The following CLSTN2 variants were observed in gnomAD, a reference collection of about 807,000 sequenced individuals.
The protein encoded by CLSTN2 is calsyntenin 2.
In CLSTN2, 48 loss-of-function variants were observed where a neutral mutation model predicts 101.2. The ratio of observed to expected loss-of-function variants is 0.47; its 90% CI spans 0.38 to 0.60. The LOEUF (loss-of-function observed/expected upper bound fraction) is 0.60, where lower values mean the gene tolerates loss of function less well. CLSTN2 is among the 20% of genes least tolerant of loss of function. CLSTN2 has a pLI of 0.00. For synonymous variants in CLSTN2, 481 were observed against 463.6 expected, an observed-to-expected ratio of 1.04 and a Z score of -0.48; for missense variants, 1,160 against 1,238.2, an observed-to-expected ratio of 0.94 and a Z score of 0.95.
chr3:140,545,693 G>A (rs901314365), intron 9 of CLSTN2, among the ~76,000 whole-genome samples: 14 of 152,170 alleles, frequency 9.2e-5, no homozygotes, highest in Non-Finnish European at 1.9e-4. Flanking sequence ...GGAGAAAAAA[G>A]GAGGGAGTGG....
chr3:140,218,199 G>C (rs576540922), intron 2 of CLSTN2, among the ~76,000 whole-genome samples: 1 of 152,284 alleles, frequency 6.6e-6, no homozygotes, highest in South Asian at 2.1e-4. Flanking sequence ...GTAAGAAAAT[G>C]ATTAGCTTGA....
intron 5 of CLSTN2, among the ~76,000 whole-genome samples, chr3:140,441,259 C>A (rs1428806660): frequency 1.3e-5 from 2 of 152,190 alleles, no homozygotes; most frequent in South Asian, 2.1e-4. Context: ...GGTTTCCTCT[C>A]CCGTAAAGGA....
chr3:140,139,245 TA>T (rs2009660500), intron 1 of CLSTN2, among the ~76,000 whole-genome samples: 1 of 152,172 alleles, frequency 6.6e-6, no homozygotes, highest in African/African-American at 2.4e-5. Context: ...CCTCCTAAGC[TA>T]CTAAGCATCT....
Position 140,315,612 on chromosome 3 carries a change from T to C in CLSTN2, c.233-88017T>C, listed in dbSNP as rs536236150. Among the ~76,000 whole-genome samples the C allele has an allele frequency of 2.0e-5, 3 of 152,332 alleles. No homozygotes were observed. The East Asian group carries it at 5.8e-4, about 29-fold the overall frequency. ...ATTGTTTCCTTGCTCAGTCCTTTAG[T>C]TGAAAACTGGTTTTTAACTAGTAAA... On this transcript the variant is annotated intron_variant, in intron 2 of 16. Coordinates refer to ENST00000458420, the MANE Select transcript of CLSTN2 (RefSeq NM_022131.3).
chr3:140,057,989 C>T (rs9833263), intron 1 of CLSTN2, among the ~76,000 whole-genome samples: 6 of 152,152 alleles, frequency 3.9e-5, no homozygotes, highest in Non-Finnish European at 7.4e-5. Flanking sequence ...CAGAAGTTCA[C>T]GCTCTGCAAG....
chr3:140,158,994 T>A (rs1417334580), intron 1 of CLSTN2, among the ~76,000 whole-genome samples: 1 of 152,178 alleles, frequency 6.6e-6, no homozygotes, highest in East Asian at 1.9e-4. Context: ...AGAATGAAAC[T>A]GGACCCCTAC....
At chr3:140,027,881 T>A (rs2007455190) in intron 1 of CLSTN2, among the ~76,000 whole-genome samples, 1 of 152,184 alleles carries the variant, frequency 6.6e-6, no homozygotes, top group Non-Finnish European at 1.5e-5. Context: ...AGCTGTGGCA[T>A]CATACCTGAT....
chr3:140,159,571 G>C (rs1218072309), intron 1 of CLSTN2, among the ~76,000 whole-genome samples: 1 of 152,170 alleles, frequency 6.6e-6, no homozygotes, highest in Admixed American at 6.6e-5. Context: ...TGGTGGTAAT[G>C]TAAATTAAAT....
intron 1 of CLSTN2, among the ~76,000 whole-genome samples, chr3:140,134,634 G>A (rs1560105304): frequency 6.6e-6 from 1 of 152,168 alleles, no homozygotes; most frequent in Admixed American, 6.5e-5. Flanking sequence ...ATCAGCTTAG[G>A]AGAGGATAAC....
chr3:140,421,008 A>G (rs1213219336), intron 4 of CLSTN2, 117 bp from the exon 5 acceptor site: 4 of 1,066,900 alleles, frequency 3.7e-6, no homozygotes, highest in African/African-American at 3.2e-5. Context: ...TTACAAAGAG[A>G]TAAGGAAAAG....
At chr3:140,560,530 A>C (rs1245294143) in intron 12 of CLSTN2, among the ~76,000 whole-genome samples, 1 of 152,112 alleles carries the variant, frequency 6.6e-6, no homozygotes, top group Non-Finnish European at 1.5e-5. Flanking sequence ...TGCTTCCCTC[A>C]GCACACATTT....
At chr3:140,302,646 T>C (rs979114422) in intron 2 of CLSTN2, among the ~76,000 whole-genome samples, 5 of 152,232 alleles carry the variant, frequency 3.3e-5, no homozygotes, top group Non-Finnish European at 7.3e-5. Context: ...ACAAATTTAT[T>C]GAGTACCTGC....
intron 2 of CLSTN2, among the ~76,000 whole-genome samples, chr3:140,209,432 T>G (rs1366671554): frequency 6.6e-6 from 1 of 152,142 alleles, no homozygotes. Context: ...AAATTTCCAT[T>G]TCATTGGTGC....
intron 2 of CLSTN2, among the ~76,000 whole-genome samples, chr3:140,313,085 G>A (rs1018589356): frequency 3.3e-5 from 5 of 152,116 alleles, no homozygotes; most frequent in African/African-American, 1.2e-4. Context: ...ATGGTTCTAC[G>A]TACTGGGGAT....
At chr3:140,515,204 G>A (rs571836872) in intron 8 of CLSTN2, among the ~76,000 whole-genome samples, 3 of 136,506 alleles carry the variant, frequency 2.2e-5, no homozygotes, top group East Asian at 1.9e-4. Flanking sequence ...TATTTCTGTG[G>A]CATTGGTTGT....
chr3:139,950,962 T>A (rs539850281), intron 1 of CLSTN2, among the ~76,000 whole-genome samples: 1 of 152,340 alleles, frequency 6.6e-6, no homozygotes, highest in East Asian at 1.9e-4. Context: ...GCGATGTGAC[T>A]TTTTTAAATG....
chr3:140,282,651 G>A (rs1327717469), intron 2 of CLSTN2, among the ~76,000 whole-genome samples: 2 of 151,992 alleles, frequency 1.3e-5, no homozygotes, highest in Admixed American at 6.6e-5. Flanking sequence ...CACATCATGT[G>A]TGATCTTCTT....
At chr3:140,414,337 G>A (rs2088401465) in intron 4 of CLSTN2, among the ~76,000 whole-genome samples, 1 of 152,058 alleles carries the variant, frequency 6.6e-6, no homozygotes, top group African/African-American at 2.4e-5. Context: ...AACTAAGGAG[G>A]TGAAATATCT....
At chr3:140,010,147 G>A (rs940717121) in intron 1 of CLSTN2, among the ~76,000 whole-genome samples, 2 of 152,118 alleles carry the variant, frequency 1.3e-5, no homozygotes, top group South Asian at 4.1e-4. Flanking sequence ...ATGGTATTTG[G>A]CCCGTAAATA....
Sources: allele counts gnomAD v4.1 joint callset (sites outside exome capture counted in the v4.1 genomes callset), GRCh38; gene constraint gnomAD v4.1.1; transcripts MANE v1.5; gene names NCBI Gene and HGNC (gene_info 2026-07-23, HGNC 2026-07-21).